Variants in LUZP2 observed in about 807,000 individuals in gnomAD.
The protein encoded by LUZP2 is leucine zipper protein 2.
Under a neutral mutation model 51.6 loss-of-function variants are expected in LUZP2, and 52 were observed. That is an observed-to-expected ratio of 1.01 (90% CI 0.81 to 1.27). The LOEUF is 1.27. Ranked by LOEUF, LUZP2 falls within the 50% of genes most tolerant of loss-of-function variation. The pLI is 0.00. For synonymous variants in LUZP2, 154 were observed against 137.3 expected (o/e 1.12, Z -0.85); for missense variants, 436 against 395.4 (o/e 1.10, Z -0.87).
At chr11:24,603,159 G>GA in intron 1 of LUZP2, among the ~76,000 whole-genome samples, 1 of 151,644 alleles carries the variant, frequency 6.6e-6, no homozygotes, top group African/African-American at 2.4e-5. Context: ...CTTCTTTTAG[G>GA]AAAAAACAAG....
At chr11:25,048,413 C>T (rs1052020853) in intron 9 of LUZP2, among the ~76,000 whole-genome samples, 10 of 152,052 alleles carry the variant, frequency 6.6e-5, no homozygotes, top group African/African-American at 2.4e-4. Context: ...GTCTGTTCTG[C>T]CTCCCTGCAC....
chr11:24,896,891 G>C (rs970018198), intron 5 of LUZP2, among the ~76,000 whole-genome samples: 1 of 151,924 alleles, frequency 6.6e-6, no homozygotes, highest in Non-Finnish European at 1.5e-5. Context: ...TAATCTGGTG[G>C]GGACTTGGAG....
intron 7 of LUZP2, among the ~76,000 whole-genome samples, chr11:24,944,638 G>T (rs893747594): frequency 6.6e-6 from 1 of 152,154 alleles, no homozygotes; most frequent in African/African-American, 2.4e-5. Flanking sequence ...TTGAACTCAA[G>T]ATTGGAAGGA....
chr11:24,785,297 G>A (rs1251737720), intron 5 of LUZP2, among the ~76,000 whole-genome samples: 2 of 151,898 alleles, frequency 1.3e-5, no homozygotes, highest in Non-Finnish European at 2.9e-5. Flanking sequence ...GTTCTTCAGA[G>A]GAAAAAGGAG....
intron 1 of LUZP2, among the ~76,000 whole-genome samples, chr11:24,627,639 T>C (rs995386514): frequency 6.6e-6 from 1 of 152,196 alleles, no homozygotes; most frequent in African/African-American, 2.4e-5. Context: ...CAGTGTTCTG[T>C]TTGCAAAACC....
chr11:24,610,511 C>T (rs1854083957), intron 1 of LUZP2, among the ~76,000 whole-genome samples: 1 of 152,138 alleles, frequency 6.6e-6, no homozygotes, highest in South Asian at 2.1e-4. Flanking sequence ...GTGAAGCCAT[C>T]CAACCATGCA....
At chr11:25,023,372 A>T (rs1467969774) in intron 9 of LUZP2, among the ~76,000 whole-genome samples, 1 of 151,930 alleles carries the variant, frequency 6.6e-6, no homozygotes, top group African/African-American at 2.4e-5. Context: ...TAGTCTTGGG[A>T]GGGTGTATGT....
intron 10 of LUZP2, among the ~76,000 whole-genome samples, chr11:25,052,475 T>C (rs1184185973): frequency 6.6e-6 from 1 of 152,218 alleles, no homozygotes; most frequent in East Asian, 1.9e-4. Context: ...CATTTTTCAC[T>C]AATAATAGAT....
At chr11:24,844,182 A>G (rs1851124972) in intron 5 of LUZP2, among the ~76,000 whole-genome samples, 1 of 152,188 alleles carries the variant, frequency 6.6e-6, no homozygotes, top group Admixed American at 6.5e-5. Context: ...GTTTTGCCCA[A>G]TAATACAGAT....
chr11:24,915,938 A>G (rs1329457735), intron 7 of LUZP2, among the ~76,000 whole-genome samples: 1 of 152,184 alleles, frequency 6.6e-6, no homozygotes, highest in African/African-American at 2.4e-5. Flanking sequence ...ATTCTATTTC[A>G]CATACTTTCC....
intron 1 of LUZP2, among the ~76,000 whole-genome samples, chr11:24,596,046 C>T (rs966171159): frequency 6.6e-6 from 1 of 152,130 alleles, no homozygotes; most frequent in Non-Finnish European, 1.5e-5. Flanking sequence ...TCAGTTTTAT[C>T]CATTTCATGG....
chr11:24,801,087 A>G (rs886987319), intron 5 of LUZP2, among the ~76,000 whole-genome samples: 2 of 152,152 alleles, frequency 1.3e-5, no homozygotes, highest in African/African-American at 2.4e-5. Flanking sequence ...TAAGATGACC[A>G]TAATTTTTAA....
chr11:24,891,289 T>A, intron 5 of LUZP2: 5 of 981,372 alleles, frequency 5.1e-6, no homozygotes, highest in Non-Finnish European at 6.1e-6. Context: ...GCAATTCTAC[T>A]TCTCTAATAC....
chr11:24,551,313 T>C (rs1036112536), intron 1 of LUZP2, among the ~76,000 whole-genome samples: 1 of 152,058 alleles, frequency 6.6e-6, no homozygotes, highest in Non-Finnish European at 1.5e-5. Context: ...GAACACATTA[T>C]GCTAAGTGAA....
At chr11:24,754,554 A>G (rs1259317911) in intron 4 of LUZP2, among the ~76,000 whole-genome samples, 2 of 152,180 alleles carry the variant, frequency 1.3e-5, no homozygotes. Context: ...AGCACTTACC[A>G]TAACCTGAGT....
chr11:24,869,768 C>T (rs1412900978), intron 5 of LUZP2, among the ~76,000 whole-genome samples: 1 of 151,998 alleles, frequency 6.6e-6, no homozygotes, highest in Non-Finnish European at 1.5e-5. Context: ...ATCAGGGGTC[C>T]CTATTACCAG....
At chr11:24,726,996 TC>T (rs1264765980) in intron 1 of LUZP2, among the ~76,000 whole-genome samples, 3 of 152,232 alleles carry the variant, frequency 2.0e-5, no homozygotes, top group African/African-American at 7.2e-5. Context: ...GCCAACATTT[TC>T]CTGATAACTT....
chr11:24,780,259 C>G (rs1849050812), intron 5 of LUZP2, among the ~76,000 whole-genome samples: 1 of 151,986 alleles, frequency 6.6e-6, no homozygotes, highest in South Asian at 2.1e-4. Flanking sequence ...GCAAGCATTC[C>G]CCTTTGACCA....
At chr11:24,890,553 C>T (rs1465429132) in intron 5 of LUZP2, among the ~76,000 whole-genome samples, 5 of 151,962 alleles carry the variant, frequency 3.3e-5, no homozygotes, top group Non-Finnish European at 5.9e-5. Context: ...AAGAATTTTG[C>T]GGCTGTGAAA....
Sources: gnomAD v4.1 joint callset for allele counts (sites outside exome capture counted in the v4.1 genomes callset) on GRCh38, gnomAD v4.1.1 for gene constraint, MANE v1.5 for transcripts, NCBI Gene and HGNC (gene_info 2026-07-23, HGNC 2026-07-21) for gene names.